The following DDAH1 variants were observed in gnomAD, a reference collection of about 807,000 sequenced individuals.
The protein encoded by DDAH1 is N(G),N(G)-dimethylarginine dimethylaminohydrolase 1.
DDAH1 carries 19 observed loss-of-function variants against 28.8 expected under a neutral mutation model. The ratio of observed to expected loss-of-function variants is 0.66; its 90% CI spans 0.46 to 0.97. The LOEUF (loss-of-function observed/expected upper bound fraction) is 0.97, where lower values mean the gene tolerates loss of function less well. Among genes scored for constraint, DDAH1 ranks in the 50% least tolerant of loss-of-function variants. The probability of loss-of-function intolerance (pLI) is 0.00; values close to 1 mark genes in which losing one functional copy is unlikely to be tolerated. For synonymous variants in DDAH1, 153 were observed against 154.4 expected, an observed-to-expected ratio of 0.99 and a Z score of 0.07; for missense variants, 326 against 375.9, an observed-to-expected ratio of 0.87 and a Z score of 1.10.
chr1:85,348,116 A>T (rs952386161), intron 4 of DDAH1, among the ~76,000 whole-genome samples: 6 of 152,224 alleles, frequency 3.9e-5, no homozygotes, highest in African/African-American at 1.4e-4. Flanking sequence ...TGACAAGTAG[A>T]AAAGGAACAT....
chr1:85,354,064 T>A (rs965502908), intron 2 of DDAH1, among the ~76,000 whole-genome samples: 3 of 152,188 alleles, frequency 2.0e-5, no homozygotes, highest in Non-Finnish European at 2.9e-5. Flanking sequence ...TCCTAAATAA[T>A]CTTCCTGATG....
intron 1 of DDAH1, among the ~76,000 whole-genome samples, chr1:85,461,866 A>G (rs1487351439): frequency 6.6e-6 from 1 of 152,190 alleles, no homozygotes; most frequent in African/African-American, 2.4e-5. Flanking sequence ...AACCAATTCC[A>G]TGCTTGGAAA....
intron 4 of DDAH1, among the ~76,000 whole-genome samples, chr1:85,345,048 A>C (rs1648758602): frequency 6.6e-6 from 1 of 152,236 alleles, no homozygotes; most frequent in South Asian, 2.1e-4. Context: ...AAGTATACAA[A>C]GTGTAATATA....
At chr1:85,567,048 TAC>T in intron 1 of DDAH1, among the ~76,000 whole-genome samples, 1 of 152,190 alleles carries the variant, frequency 6.6e-6, no homozygotes, top group Non-Finnish European at 1.5e-5. Context: ...AATTACCTCA[TAC>T]AGAAGAGTCA....
chr1:85,518,778 A>G (rs1570634053), intron 1 of DDAH1, among the ~76,000 whole-genome samples: 1 of 152,198 alleles, frequency 6.6e-6, no homozygotes. Flanking sequence ...GGACATAGAC[A>G]TCTTGGGGGA....
chr1:85,324,738 A>G lies in DDAH1; in HGVS notation c.741+2T>C, dbSNP rs1647264081. The G allele has an allele frequency of 6.2e-7, 1 of 1,613,908 alleles. No individual in the cohort carries two copies. Among genetic ancestry groups the G allele is most frequent in the Admixed American group, 1.7e-5 (1 of 59,978 alleles). On this transcript the variant is annotated splice_donor_variant, in intron 5 of 5. Coordinates refer to ENST00000284031, the MANE Select transcript of DDAH1 (RefSeq NM_012137.4). LOFTEE classifies it high-confidence loss of function. The stretch of plus-strand genomic sequence containing the variant: ...CAGTGGTCAGAAGGGATATTTTTTT[A>G]CCTTTGCACTTTCTGGATACTCTTC...
intron 1 of DDAH1, among the ~76,000 whole-genome samples, chr1:85,531,735 C>A (rs56319232): frequency 6.8e-6 from 1 of 147,056 alleles, no homozygotes; most frequent in African/African-American, 2.5e-5. Flanking sequence ...AAGGCCGATA[C>A]GTGTATAATG....
At chr1:85,400,680 C>T (rs899966663) in intron 1 of DDAH1, among the ~76,000 whole-genome samples, 4 of 152,122 alleles carry the variant, frequency 2.6e-5, no homozygotes, top group African/African-American at 9.7e-5. Flanking sequence ...GTAGTAATCA[C>T]ATTTTCACTT....
chr1:85,336,414 TA>T (rs1382935785), intron 4 of DDAH1, among the ~76,000 whole-genome samples: 1 of 151,652 alleles, frequency 6.6e-6, no homozygotes, highest in Non-Finnish European at 1.5e-5. Flanking sequence ...ACATGGAAAT[TA>T]AACAACATGC....
chr1:85,378,784 AT>A (rs1170201007), intron 1 of DDAH1, among the ~76,000 whole-genome samples: 6 of 152,218 alleles, frequency 3.9e-5, no homozygotes, highest in African/African-American at 1.4e-4. Flanking sequence ...TGAAGTAAGC[AT>A]CCAGACAGCT....
chr1:85,421,559 T>C (rs2124138), intron 1 of DDAH1, among the ~76,000 whole-genome samples: 150,325 of 152,278 alleles, frequency 0.99, 74,228 homozygotes, highest in East Asian at 1. Context: ...TAGTATCATA[T>C]AGAATAGTTT....
chr1:85,350,125 G>A (rs1372500407), intron 4 of DDAH1, among the ~76,000 whole-genome samples: 1 of 152,154 alleles, frequency 6.6e-6, no homozygotes, highest in African/African-American at 2.4e-5. Context: ...CCTTTCCCCT[G>A]AGGGATAATG....
intron 5 of DDAH1, among the ~76,000 whole-genome samples, chr1:85,322,255 A>C (rs111716524): frequency 6.6e-6 from 1 of 152,106 alleles, no homozygotes; most frequent in Non-Finnish European, 1.5e-5. Flanking sequence ...CCTCTCAACT[A>C]TACTTTAGGT....
At chr1:85,402,820 A>G (rs1439819264) in intron 1 of DDAH1, among the ~76,000 whole-genome samples, 2 of 151,358 alleles carry the variant, frequency 1.3e-5, no homozygotes, top group African/African-American at 4.9e-5. Context: ...GAGACAGGAG[A>G]ATGGCGTGAA....
chr1:85,486,507 T>C (rs895106294), intron 2 of DDAH1, among the ~76,000 whole-genome samples: 2 of 152,206 alleles, frequency 1.3e-5, no homozygotes, highest in South Asian at 2.1e-4. Flanking sequence ...GGGTAGGATT[T>C]TATTATAGGG....
chr1:85,562,215 C>G (rs917211916), intron 1 of DDAH1, among the ~76,000 whole-genome samples: 1 of 151,668 alleles, frequency 6.6e-6, no homozygotes, highest in Admixed American at 6.6e-5. Context: ...ATGCAACAAT[C>G]TCACTGTATT....
intron 1 of DDAH1, among the ~76,000 whole-genome samples, chr1:85,577,220 G>A (rs1037968110): frequency 2.6e-5 from 4 of 152,064 alleles, no homozygotes; most frequent in African/African-American, 7.2e-5. Flanking sequence ...CCTCCGCAGG[G>A]GTCCCGGAGC....
At chr1:85,442,193 G>T (rs181134447) in intron 1 of DDAH1, among the ~76,000 whole-genome samples, 2 of 151,982 alleles carry the variant, frequency 1.3e-5, no homozygotes, top group Non-Finnish European at 2.9e-5. Flanking sequence ...GCCACCCCAC[G>T]ACAGGCCCCA....
At chr1:85,368,094 T>C (rs1178959793) in intron 1 of DDAH1, among the ~76,000 whole-genome samples, 2 of 152,188 alleles carry the variant, frequency 1.3e-5, no homozygotes, top group Admixed American at 6.5e-5. Context: ...GAATGCACCA[T>C]GCTATTTATA....
Sources: allele counts gnomAD v4.1 joint callset (sites outside exome capture counted in the v4.1 genomes callset), GRCh38; gene constraint gnomAD v4.1.1; transcripts MANE v1.5; gene names NCBI Gene and HGNC (gene_info 2026-07-23, HGNC 2026-07-21).